The following RAD54B variants were observed in gnomAD, a reference collection of about 807,000 sequenced individuals.
RAD54B encodes RAD54 homolog B.
Under a neutral mutation model 95.8 loss-of-function variants are expected in RAD54B, and 78 were observed. The ratio of observed to expected loss-of-function variants is 0.81; its 90% CI spans 0.68 to 0.98. The LOEUF (loss-of-function observed/expected upper bound fraction) is 0.98. Ranked by LOEUF, RAD54B falls within the 50% of genes least tolerant of loss-of-function variation. The pLI is 0.00. For missense variants in RAD54B, 957 were observed against 1,056.6 expected (o/e 0.91, Z 1.31); for synonymous variants, 328 against 354.9 (o/e 0.92, Z 0.85).
At chr8:94,427,931 T>TAAA in intron 3 of RAD54B, 1 of 800,896 alleles carries the variant, frequency 1.2e-6, no homozygotes, top group Non-Finnish European at 1.5e-6. Context: ...AATGACTCCT[T>TAAA]AAAAAAAAAA....
At chr8:94,401,121 G>A (rs1158732707) in intron 6 of RAD54B, among the ~76,000 whole-genome samples, 2 of 152,096 alleles carry the variant, frequency 1.3e-5, no homozygotes, top group African/African-American at 4.8e-5. Context: ...TATTTTTAAA[G>A]TTAAGAAAGT....
intron 4 of RAD54B, 57 bp from the exon 5 acceptor site, chr8:94,407,777 C>T (rs149902893): frequency 6.9e-7 from 1 of 1,446,098 alleles, no homozygotes; most frequent in African/African-American, 1.4e-5. Context: ...CGGTCACCTT[C>T]CCGTAACTGT....
At chr8:94,420,230 A>G (rs1811770529) in intron 3 of RAD54B, among the ~76,000 whole-genome samples, 1 of 151,730 alleles carries the variant, frequency 6.6e-6, no homozygotes, top group Admixed American at 6.6e-5. Context: ...ATGCTGTAGT[A>G]AAAGCGCCAA....
intron 1 of RAD54B, among the ~76,000 whole-genome samples, chr8:94,470,022 C>A (rs1204149097): frequency 6.6e-6 from 1 of 152,186 alleles, no homozygotes; most frequent in Admixed American, 6.5e-5. Flanking sequence ...CAATTCAAAG[C>A]AACACCACAA....
chr8:94,376,009 C>T (rs1268560554), intron 14 of RAD54B, among the ~76,000 whole-genome samples: 3 of 151,766 alleles, frequency 2.0e-5, no homozygotes, highest in African/African-American at 7.3e-5. Flanking sequence ...AATATATTAC[C>T]GATTCAAAAG....
intron 3 of RAD54B, among the ~76,000 whole-genome samples, chr8:94,419,932 A>G (rs545959502): frequency 1.3e-5 from 2 of 152,266 alleles, no homozygotes; most frequent in South Asian, 2.1e-4. Context: ...ACATCTTAAT[A>G]CCATATTTTT....
chr8:94,391,944 A>G (rs1811034215), intron 9 of RAD54B, 45 bp from the exon 10 acceptor site: 2 of 1,460,794 alleles, frequency 1.4e-6, no homozygotes, highest in Non-Finnish European at 1.9e-6. Flanking sequence ...ATAGACAAAA[A>G]TACACTTAAA....
intron 2 of RAD54B, among the ~76,000 whole-genome samples, chr8:94,461,873 A>G (rs1157836895): frequency 6.6e-6 from 1 of 152,224 alleles, no homozygotes. Context: ...TAACACTGGT[A>G]TAATACCAGT....
chr8:94,377,974 T>C (rs1029175293), intron 14 of RAD54B, among the ~76,000 whole-genome samples: 1 of 18,670 alleles, frequency 5.4e-5, no homozygotes, highest in African/African-American at 2.5e-4. Flanking sequence ...AGACTCCGTC[T>C]CAAAAAAAAA....
chr8:94,399,750 G>C, intron 7 of RAD54B, 129 bp from the exon 8 acceptor site: 1 of 1,256,902 alleles, frequency 8.0e-7, no homozygotes, highest in South Asian at 1.6e-5. Flanking sequence ...TTAGTCAACT[G>C]AGGCTGCTAT....
intron 6 of RAD54B, among the ~76,000 whole-genome samples, chr8:94,403,276 C>T (rs964718254): frequency 2.0e-5 from 3 of 152,074 alleles, no homozygotes; most frequent in African/African-American, 7.2e-5. Context: ...TTTTTTGTGT[C>T]CTCTAAAATA....
In RAD54B at chr8:94,448,792, G is replaced by A. The variant is rs146133853; in HGVS notation, c.304+9476C>T. Among the ~76,000 whole-genome samples, 7 of 151,876 alleles carry A rather than the reference G, an allele frequency of 4.6e-5. No individual in the cohort carries two copies. The East Asian group carries it at 7.7e-4, about 17-fold the overall frequency. The stretch of plus-strand genomic sequence containing the variant: ...GGTGGGGGAGGAGGGAGAGGAAATC[G>A]GGAGATACGCGTCAGAGGATACAAG... On this transcript the variant is annotated intron_variant, in intron 3 of 14. Coordinates refer to ENST00000336148, the MANE Select transcript of RAD54B (RefSeq NM_012415.3).
chr8:94,411,014 G>T, intron 4 of RAD54B, 107 bp downstream of exon 4: 1 of 807,852 alleles, frequency 1.2e-6, no homozygotes, highest in Non-Finnish European at 2.0e-6. Flanking sequence ...ATCCATTAAA[G>T]AATACCTTAT....
chr8:94,381,070 T>C (rs1040833506), intron 11 of RAD54B, among the ~76,000 whole-genome samples: 4 of 152,156 alleles, frequency 2.6e-5, no homozygotes, highest in Non-Finnish European at 5.9e-5. Context: ...AACAGGAAGA[T>C]AACTTGAATC....
At chr8:94,453,478 G>A (rs558224570) in intron 3 of RAD54B, among the ~76,000 whole-genome samples, 2 of 152,168 alleles carry the variant, frequency 1.3e-5, no homozygotes, top group East Asian at 3.9e-4. Flanking sequence ...GCAGTGAGCC[G>A]AGATCACGCC....
chr8:94,425,061 C>CAAAAAAAAAAA (rs71273335), intron 3 of RAD54B, among the ~76,000 whole-genome samples: 2 of 82,358 alleles, frequency 2.4e-5, no homozygotes, highest in Admixed American at 1.6e-4. Flanking sequence ...GACCCCATCT[C>CAAAAAAAAAAA]AAAAAAAAAA....
At chr8:94,448,173 G>A (rs10110389) in intron 3 of RAD54B, among the ~76,000 whole-genome samples, 6,040 of 152,106 alleles carry the variant, frequency 0.04, 134 homozygotes, top group Non-Finnish European at 0.049. Flanking sequence ...AAAAGTAGAG[G>A]CTGAATGTCA....
chr8:94,470,683 A>T (rs1005651942), intron 1 of RAD54B, among the ~76,000 whole-genome samples: 2 of 151,546 alleles, frequency 1.3e-5, no homozygotes, highest in Middle Eastern at 3.2e-3. Context: ...GCTTGAACCC[A>T]GGAGGCAGAG....
chr8:94,428,746 A>T lies in RAD54B; in HGVS notation c.305-17431T>A, dbSNP rs79632619. ...GAAAGCCAAGTGTACATTCCATTGT[A>T]CTAGCAAACTTTCCCCTATATATTC... On this transcript the variant is annotated intron_variant, in intron 3 of 14. Transcript: ENST00000336148. The T allele has an allele frequency of 3.1e-3, 3,075 of 984,552 alleles. 65 individuals carry two copies. In the African/African-American group the frequency reaches 0.05, roughly 16 times the overall value. 61.0% of individuals were successfully genotyped at this position (984,552 alleles called of 1,614,324 possible).
Sources: allele counts gnomAD v4.1 joint callset (sites outside exome capture counted in the v4.1 genomes callset), GRCh38; gene constraint gnomAD v4.1.1; transcripts MANE v1.5; gene names NCBI Gene and HGNC (gene_info 2026-07-23, HGNC 2026-07-21).